SLC71A2: variants seen among roughly 807,000 people sequenced by gnomAD.
SLC71A2 encodes solute carrier family 71 member 2, also known as hippocampus abundant transcript-like 1.
the SLC71A2 span, among the ~76,000 whole-genome samples, chr9:94,391,523 T>A: frequency 6.6e-6 from 1 of 151,636 alleles, no homozygotes. Flanking sequence ...GAGAAATTAA[T>A]TACTATGATT....
the SLC71A2 span, among the ~76,000 whole-genome samples, chr9:94,377,911 C>T: frequency 3.9e-5 from 6 of 152,184 alleles, no homozygotes; most frequent in African/African-American, 1.4e-4. Context: ...TCAAGACCAT[C>T]CTGGCCAACA....
At chr9:94,452,302 CAT>C in the SLC71A2 span, among the ~76,000 whole-genome samples, 5 of 151,986 alleles carry the variant, frequency 3.3e-5, no homozygotes, top group Non-Finnish European at 5.9e-5. Context: ...AGCATTAAAA[CAT>C]ATTCAGTGAG....
the SLC71A2 span, among the ~76,000 whole-genome samples, chr9:94,447,325 G>T: frequency 6.6e-6 from 1 of 151,662 alleles, no homozygotes; most frequent in African/African-American, 2.4e-5. Context: ...GATTACAGGC[G>T]TGCACTACCA....
the SLC71A2 span, among the ~76,000 whole-genome samples, chr9:94,422,606 C>T: frequency 6.6e-6 from 1 of 152,070 alleles, no homozygotes. Flanking sequence ...GAACAATTTA[C>T]TCTTCAGCCA....
chr9:94,452,190 G>GTTATTT, the SLC71A2 span, among the ~76,000 whole-genome samples: 1 of 152,182 alleles, frequency 6.6e-6, no homozygotes. Flanking sequence ...ATGGTTCAGT[G>GTTATTT]TTATTTTAAT....
At chr9:94,451,814 T>C in the SLC71A2 span, among the ~76,000 whole-genome samples, 1 of 152,254 alleles carries the variant, frequency 6.6e-6, no homozygotes, top group Non-Finnish European at 1.5e-5. Flanking sequence ...TTTAAAACAA[T>C]GTTTTTAAAA....
the SLC71A2 span, among the ~76,000 whole-genome samples, chr9:94,446,380 T>C: frequency 1.2e-4 from 18 of 152,354 alleles, no homozygotes; most frequent in Admixed American, 8.5e-4. Context: ...GATATAAAAG[T>C]TGAACATGAA....
chr9:94,435,268 A>G, the SLC71A2 span, among the ~76,000 whole-genome samples: 180 of 152,320 alleles, frequency 1.2e-3, 2 homozygotes, highest in Middle Eastern at 6.8e-3. Flanking sequence ...AATAGAAGCA[A>G]TGCAAAGAGA....
chr9:94,410,163 A>G, the SLC71A2 span, among the ~76,000 whole-genome samples: 4 of 151,554 alleles, frequency 2.6e-5, no homozygotes, highest in South Asian at 2.1e-4. Flanking sequence ...TGGTGCAGTC[A>G]TAGCTCATTG....
chr9:94,406,219 CA>C, the SLC71A2 span, among the ~76,000 whole-genome samples: 1 of 151,276 alleles, frequency 6.6e-6, no homozygotes, highest in Non-Finnish European at 1.5e-5. Flanking sequence ...AGGTGTGCGC[CA>C]GCACGTCTGG....
the SLC71A2 span, among the ~76,000 whole-genome samples, chr9:94,378,163 G>T: frequency 6.6e-6 from 1 of 151,466 alleles, no homozygotes; most frequent in Non-Finnish European, 1.5e-5. Context: ...AGCTGTTTGC[G>T]TTGCTGTAAA....
chr9:94,382,527 C>T, the SLC71A2 span, among the ~76,000 whole-genome samples: 1 of 151,982 alleles, frequency 6.6e-6, no homozygotes, highest in Admixed American at 6.5e-5. Flanking sequence ...TTTTCATTCT[C>T]TCAGCAGTGT....
At chr9:94,394,019 A>T in the SLC71A2 span, among the ~76,000 whole-genome samples, 3 of 144,926 alleles carry the variant, frequency 2.1e-5, no homozygotes, top group African/African-American at 7.8e-5. Context: ...AATGTTGGAC[A>T]TATACACCTA....
chr9:94,452,652 TATATTCATATATATTCATATATATTC>T, the SLC71A2 span, among the ~76,000 whole-genome samples: 1,803 of 67,554 alleles, frequency 0.027, 47 homozygotes, highest in African/African-American at 0.11. Flanking sequence ...TATATTCATA[TATATTCATATATATTCATATATATTC>T]ATATATTCAT....
the SLC71A2 span, among the ~76,000 whole-genome samples, chr9:94,426,071 A>G: frequency 6.7e-6 from 1 of 149,420 alleles, no homozygotes; most frequent in East Asian, 2.0e-4. Flanking sequence ...GGGACTGGTT[A>G]TAGGCCCTCT....
chr9:94,381,008 G>T, the SLC71A2 span, among the ~76,000 whole-genome samples: 1 of 111,468 alleles, frequency 9.0e-6, no homozygotes, highest in African/African-American at 3.6e-5. Context: ...TATCTACTCT[G>T]TCACTATATA....
the SLC71A2 span, among the ~76,000 whole-genome samples, chr9:94,391,265 A>G: frequency 1.2e-4 from 18 of 145,352 alleles, 1 homozygote; most frequent in Non-Finnish European, 1.8e-4. Context: ...GCTACTTGGG[A>G]GGCAGAAGGA....
the SLC71A2 span, among the ~76,000 whole-genome samples, chr9:94,414,958 G>A: frequency 2.0e-5 from 3 of 152,248 alleles, no homozygotes; most frequent in East Asian, 1.9e-4. Flanking sequence ...ACACCCAACC[G>A]AAAGTCTGTA....
At chr9:94,405,498 CAAAAAAAAAAA>C in the SLC71A2 span, among the ~76,000 whole-genome samples, 1 of 59,822 alleles carries the variant, frequency 1.7e-5, no homozygotes, top group African/African-American at 6.5e-5. Flanking sequence ...GACTCCGTCT[CAAAAAAAAAAA>C]AAAAAAAAAG....
Sources: allele counts gnomAD v4.1 joint callset (sites outside exome capture counted in the v4.1 genomes callset), GRCh38; gene constraint gnomAD v4.1.1; transcripts MANE v1.5; gene names NCBI Gene and HGNC (gene_info 2026-07-23, HGNC 2026-07-21).